CACNA1A: variants seen among roughly 807,000 people sequenced by gnomAD.
CACNA1A encodes voltage-dependent P/Q-type calcium channel subunit alpha-1A.
In CACNA1A, 57 loss-of-function variants were observed where a neutral mutation model predicts 262.4. The ratio of observed to expected loss-of-function variants is 0.22; its 90% CI spans 0.18 to 0.27. The LOEUF (loss-of-function observed/expected upper bound fraction) is 0.27, where lower values mean the gene tolerates loss of function less well. Ranked by LOEUF, CACNA1A falls within the 10% of genes least tolerant of loss-of-function variation. The probability of loss-of-function intolerance (pLI) is 1.00; values close to 1 mark genes in which losing one functional copy is unlikely to be tolerated. For missense variants in CACNA1A, 2,526 were observed against 3,562.8 expected (o/e 0.71, Z 7.41); for synonymous variants, 1,431 against 1,419.3 (o/e 1.01, Z -0.18).
chr19:13,413,895 A>AAAGAAAAGAAAAG (rs2060168175), intron 3 of CACNA1A, among the ~76,000 whole-genome samples: 1 of 119,138 alleles, frequency 8.4e-6, no homozygotes. Context: ...GAAAGAAAGA[A>AAAGAAAAGAAAAG]AAAGAAAGAA....
At chr19:13,382,659 C>T (rs2059543681) in intron 3 of CACNA1A, among the ~76,000 whole-genome samples, 1 of 152,250 alleles carries the variant, frequency 6.6e-6, no homozygotes, top group African/African-American at 2.4e-5. Flanking sequence ...GTTCAGAAGA[C>T]AAGCCTGACA....
intron 22 of CACNA1A, among the ~76,000 whole-genome samples, chr19:13,280,651 T>C (rs1307948388): frequency 6.6e-6 from 1 of 151,898 alleles, no homozygotes; most frequent in Non-Finnish European, 1.5e-5. Flanking sequence ...TCATAAAGAA[T>C]GCTCATTGAC....
intron 3 of CACNA1A, among the ~76,000 whole-genome samples, chr19:13,380,035 C>T (rs1309491825): frequency 7.2e-6 from 1 of 138,240 alleles, no homozygotes; most frequent in Non-Finnish European, 1.5e-5. Flanking sequence ...CCTGTAATCC[C>T]AGCACTTTGG....
At chr19:13,392,314 G>C (rs951839402) in intron 3 of CACNA1A, among the ~76,000 whole-genome samples, 1 of 152,198 alleles carries the variant, frequency 6.6e-6, no homozygotes, top group Admixed American at 6.5e-5. Context: ...GTACTGTTGC[G>C]AGACCTTGCC....
intron 35 of CACNA1A, among the ~76,000 whole-genome samples, chr19:13,230,929 A>G (rs1033346144): frequency 5.3e-5 from 8 of 152,004 alleles, no homozygotes; most frequent in African/African-American, 1.9e-4. Context: ...CTGTGACCCC[A>G]AATCCTCCCA....
intron 1 of CACNA1A, among the ~76,000 whole-genome samples, chr19:13,472,628 CCT>C (rs1304758380): frequency 1.3e-5 from 2 of 152,180 alleles, no homozygotes; most frequent in Non-Finnish European, 2.9e-5. Context: ...TCTCTTCCTC[CCT>C]CTGTCTCATT....
rs540579196 is a variant in CACNA1A, at chr19:13,332,912, G to C, written c.1212C>G (p.Leu404=). ...EWISKAEEVI[L]AEDETDGEQR... ...GCTCCCCGTCAGTTTCATCCTCGGC[G>C]AGGATCACCTCTTCTGAAGAGGAAG... The change falls in exon 9 of 47, where the codon CTC becomes CTG. Residue 404 remains leucine (L), a synonymous_variant. Coordinates refer to ENST00000360228, the MANE Select transcript of CACNA1A (RefSeq NM_001127222.2). 1.4e-5 allele frequency: 22 copies of C among 1,612,302 alleles called. No homozygotes were observed. In the East Asian group the frequency reaches 4.0e-4, roughly 29 times the overall value.
intron 3 of CACNA1A, among the ~76,000 whole-genome samples, chr19:13,431,061 T>G (rs2060496337): frequency 4.1e-5 from 6 of 147,270 alleles, no homozygotes; most frequent in South Asian, 2.3e-4. Context: ...TAGAGGGGGA[T>G]GGGGGATCAC....
chr19:13,329,309 G>A (rs1007320162), intron 10 of CACNA1A, among the ~76,000 whole-genome samples: 2 of 150,960 alleles, frequency 1.3e-5, no homozygotes. Context: ...CAGCTTAACC[G>A]TCACTTCCTC....
At chr19:13,358,692 C>T (rs568406372) in intron 6 of CACNA1A, among the ~76,000 whole-genome samples, 1 of 152,260 alleles carries the variant, frequency 6.6e-6, no homozygotes, top group South Asian at 2.1e-4. Context: ...TACATCTTTC[C>T]AGAAACATCC....
At chr19:13,249,396 C>T (rs1157111707) in intron 30 of CACNA1A, among the ~76,000 whole-genome samples, 1 of 152,118 alleles carries the variant, frequency 6.6e-6, no homozygotes, top group East Asian at 1.9e-4. Flanking sequence ...TGCTCTGTCA[C>T]CCAGGGTGGG....
At chr19:13,209,105 C>T (rs531373912) in intron 45 of CACNA1A, 96 bp from the exon 46 acceptor site, 3 of 1,495,820 alleles carry the variant, frequency 2.0e-6, no homozygotes, top group African/African-American at 2.8e-5. Flanking sequence ...GTGTGGGGGC[C>T]CTAGAGATCC....
At chr19:13,370,410 ATTGT>A (rs1437898754) in intron 4 of CACNA1A, among the ~76,000 whole-genome samples, 1 of 151,260 alleles carries the variant, frequency 6.6e-6, no homozygotes, top group African/African-American at 2.4e-5. Context: ...CAGCCTATAA[ATTGT>A]TTGTTTTTAA....
At chr19:13,454,224 T>C (rs1290989527) in intron 2 of CACNA1A, among the ~76,000 whole-genome samples, 1 of 151,600 alleles carries the variant, frequency 6.6e-6, no homozygotes, top group Non-Finnish European at 1.5e-5. Flanking sequence ...GGGCTGAAAG[T>C]CGCAACCCTC....
At chr19:13,276,072 C>G in intron 23 of CACNA1A, 116 bp from the exon 24 acceptor site, 2 of 656,296 alleles carry the variant, frequency 3.0e-6, no homozygotes, top group Non-Finnish European at 5.4e-6. Flanking sequence ...GCCACCTCAT[C>G]TTGCAGGGAT....
intron 3 of CACNA1A, among the ~76,000 whole-genome samples, chr19:13,372,214 T>A (rs531651550): frequency 2.6e-5 from 4 of 152,030 alleles, no homozygotes; most frequent in African/African-American, 9.7e-5. Flanking sequence ...CAGGCTGGAG[T>A]GCGATCTCCA....
chr19:13,244,289 G>A (rs1285377801), intron 31 of CACNA1A: 1 of 152,272 alleles, frequency 6.6e-6, no homozygotes, highest in African/African-American at 2.4e-5. Context: ...AACCCTCCGA[G>A]GGAATTCTCT....
chr19:13,444,342 G>GT lies in CACNA1A; in HGVS notation c.539+8533dup, dbSNP rs2060773522. Among the ~76,000 whole-genome samples the GT allele has an allele frequency of 2.6e-5, 4 of 152,280 alleles. No individual in the cohort carries two copies. In the South Asian group the frequency reaches 8.3e-4, roughly 32 times the overall value. On this transcript the variant is annotated intron_variant, in intron 3 of 46. Coordinates refer to ENST00000360228, the MANE Select transcript of CACNA1A (RefSeq NM_001127222.2). Reference sequence around the variant, plus strand: ...TCTCATGAGTTAGAATGCTGGTTGTGTTTTGTTGTTGTTGTTGGAATGCTG... The same window carrying GT: ...TCTCATGAGTTAGAATGCTGGTTGTGTTTTTGTTGTTGTTGTTGGAATGCTG...
chr19:13,224,885 C>T (rs917638193), intron 37 of CACNA1A, 113 bp from the exon 38 acceptor site: 31 of 694,864 alleles, frequency 4.5e-5, no homozygotes, highest in Middle Eastern at 3.9e-4. Context: ...AAAGCTGTGG[C>T]GGCTGAGGTG....
Sources: gnomAD v4.1 joint callset for allele counts (sites outside exome capture counted in the v4.1 genomes callset) on GRCh38, gnomAD v4.1.1 for gene constraint, MANE v1.5 for transcripts, NCBI Gene and HGNC (gene_info 2026-07-23, HGNC 2026-07-21) for gene names.